The following B3GALNT1 variants were observed in gnomAD, a reference collection of about 807,000 sequenced individuals.
B3GALNT1 encodes the protein UDP-GalNAc:beta-1,3-N-acetylgalactosaminyltransferase 1.
Under a neutral mutation model 27.3 loss-of-function variants are expected in B3GALNT1, and 17 were observed. The observed-to-expected ratio is 0.62, with a 90% CI of 0.43 to 0.94. The LOEUF is 0.94. B3GALNT1 is among the 40% of genes least tolerant of loss of function. B3GALNT1 has a pLI of 0.00. For missense variants in B3GALNT1, 347 were observed against 390.0 expected, an observed-to-expected ratio of 0.89 and a Z score of 0.93; for synonymous variants, 141 against 144.0, an observed-to-expected ratio of 0.98 and a Z score of 0.15.
At chr3:161,097,291 C>G (rs1250204035) in intron 4 of B3GALNT1, among the ~76,000 whole-genome samples, 1 of 152,156 alleles carries the variant, frequency 6.6e-6, no homozygotes, top group Non-Finnish European at 1.5e-5. Flanking sequence ...GGCTGGCACA[C>G]AGTAAGGGCT....
chr3:161,100,366 T>C lies in B3GALNT1; in HGVS notation c.-35+773A>G, dbSNP rs1032767883. ...GGTAGACAGTGAGTATAAATACCTA[T>C]ACTCATTACCATTTCCCAATTCTGC... On this transcript the variant is annotated intron_variant, in intron 4 of 4. Transcript: ENST00000320474. Among the ~76,000 whole-genome samples the C allele has an allele frequency of 4.6e-5, 7 of 152,332 alleles. No homozygotes were observed. In the East Asian group the frequency reaches 1.2e-3, roughly 25 times the overall value.
At position 161,086,035 on chromosome 3, in the gene B3GALNT1, C is replaced by T; in HGVS notation, c.720G>A (p.Gly240=). The T allele has an allele frequency of 6.3e-7, 1 of 1,589,880 alleles. No homozygotes were observed. Among genetic ancestry groups the T allele is most frequent in the Non-Finnish European group, 8.5e-7 (1 of 1,170,244 alleles). The change falls in exon 5 of 5, where the codon GGG becomes GGA. Residue 240 remains glycine (G), a synonymous_variant. Transcript: ENST00000320474. ...PFKVFPPYCS[G]LGYIMSRDLV... The stretch of plus-strand genomic sequence containing the variant: ...AATCTCTGGACATTATATAACCCAA[C>T]CCACTGCAGTATGGAGGGAACACCT...
In B3GALNT1 at chr3:161,086,787, T is replaced by C. The variant is rs572564117; in HGVS notation, c.-33A>G. On this transcript the variant is annotated splice_region_variant and 5_prime_UTR_variant, in exon 5 of 5. Coordinates refer to ENST00000320474, the MANE Select transcript of B3GALNT1 (RefSeq NM_003781.4). ...AGCTCAGAAGCACGCGAGCCGAAGG[T>C]TCTGGAAGAGTTATCAAAGATTGGG... 6.2e-7 allele frequency: 1 copy of C among 1,612,050 alleles called. No homozygotes were observed. The highest frequency in any genetic ancestry group is 1.7e-5 in the Admixed American group (1 of 59,678).
intron 3 of B3GALNT1, among the ~76,000 whole-genome samples, chr3:161,102,262 G>A (rs1476675623): frequency 6.6e-6 from 1 of 152,152 alleles, no homozygotes; most frequent in East Asian, 1.9e-4. Context: ...CTACCTACCT[G>A]TGTTCAGAGT....
intron 4 of B3GALNT1, 78 bp downstream of exon 4, chr3:161,101,061 G>C: frequency 2.6e-6 from 3 of 1,155,770 alleles, no homozygotes; most frequent in Admixed American, 4.6e-5. Flanking sequence ...CCCCAGGAGA[G>C]ACCAACCTCA....
rs778206279 is a variant in B3GALNT1, at chr3:161,085,914, T to C, written c.841A>G (p.Ile281Val). The C allele has an allele frequency of 4.3e-6, 7 of 1,611,854 alleles. No individual in the cohort carries two copies. The East Asian group carries it at 1.3e-4, about 31-fold the overall frequency. The change falls in exon 5 of 5, where the codon ATT becomes GTT. Residue 281 changes from isoleucine (I) to valine (V), a missense_variant. Physicochemically the swap from Ile to Val is conservative, Grantham distance 29. Coordinates refer to ENST00000320474, the MANE Select transcript of B3GALNT1 (RefSeq NM_003781.4). Reference protein sequence around the residue: ...GICLNLLKVNIHIPEDTNLFF... With the variant: ...GICLNLLKVNVHIPEDTNLFF... ...AGATTTGTGTCTTCTGGAATATGAATGTTCACTTTTAATAAATTCAAACAG... is the reference window on the plus strand; with the variant it reads ...AGATTTGTGTCTTCTGGAATATGAACGTTCACTTTTAATAAATTCAAACAG...
At chr3:161,089,639 T>C (rs1723916674) in intron 4 of B3GALNT1, among the ~76,000 whole-genome samples, 2 of 152,080 alleles carry the variant, frequency 1.3e-5, no homozygotes, top group South Asian at 4.1e-4. Flanking sequence ...ATCTGTCTAT[T>C]CAATATAAGG....
chr3:161,101,226 T>C lies in B3GALNT1; in HGVS notation c.-122A>G. ...AACAGGTCAACCGGGTCCAGGGAGC[T>C]AAGAAAACTGGAGCAGAGCAAAGAT... is the stretch of plus-strand genomic sequence containing the variant. On this transcript the variant is annotated 5_prime_UTR_variant, in exon 4 of 5. Coordinates refer to ENST00000320474, the MANE Select transcript of B3GALNT1 (RefSeq NM_003781.4). The C allele has an allele frequency of 2.3e-6, 3 of 1,289,700 alleles. No individual in the cohort carries two copies. The highest frequency in any genetic ancestry group is 3.0e-6 in the Non-Finnish European group (3 of 988,826). The allele number at this position is 1,289,700 out of a possible 1,614,324, so 79.9% of individuals were successfully genotyped here. A position where few individuals can be genotyped will look rare whatever the true frequency, so the allele number is the denominator to read the frequency against.
intron 4 of B3GALNT1, among the ~76,000 whole-genome samples, chr3:161,097,417 T>C (rs1343731629): frequency 6.6e-6 from 1 of 152,196 alleles, no homozygotes; most frequent in Non-Finnish European, 1.5e-5. Flanking sequence ...GTGTCTTACA[T>C]GGCATGACAT....
chr3:161,085,013 T>C lies in B3GALNT1; in HGVS notation c.*746A>G, dbSNP rs1171923683. On this transcript the variant is annotated 3_prime_UTR_variant, in exon 5 of 5. Transcript: ENST00000320474. Reference sequence around the variant, plus strand: ...ATTTTCTTGCTTTAATTCTTCTCTATATTACCACAGTAAAATATTTAACAA... The same window carrying C: ...ATTTTCTTGCTTTAATTCTTCTCTACATTACCACAGTAAAATATTTAACAA... The C allele has an allele frequency of 1.3e-5, 2 of 152,326 alleles. No individual in the cohort carries two copies. The highest frequency in any genetic ancestry group is 1.9e-4 in the East Asian group (1 of 5,194). The allele number at this position is 152,326 out of a possible 1,614,324, so 9.4% of individuals were successfully genotyped here.
At chr3:161,092,890 G>A (rs1362647995) in intron 4 of B3GALNT1, among the ~76,000 whole-genome samples, 1 of 150,178 alleles carries the variant, frequency 6.7e-6, no homozygotes, top group Admixed American at 6.7e-5. Context: ...CGCCTGAGTA[G>A]CTGGGACTAC....
At position 161,086,073 on chromosome 3, in the gene B3GALNT1, C is replaced by G. The variant is rs758834724; in HGVS notation, c.682G>C (p.Glu228Gln). The stretch of plus-strand genomic sequence containing the variant: ...GGAGGGAACACCTTGAAAGGATACT[C>G]CTGGTAAGAAATATGGGTTTTTTGG... ...FYQKTHISYQ[E>Q]YPFKVFPPYC... The change falls in exon 5 of 5, where the codon GAG becomes CAG. Residue 228 changes from glutamate (E) to glutamine (Q), a missense_variant. By Grantham distance (29) the Glu-to-Gln change is conservative. Transcript: ENST00000320474. 2 of 1,596,558 alleles carry G rather than the reference C, an allele frequency of 1.3e-6. No homozygotes were observed. The highest frequency in any genetic ancestry group is 3.5e-5 in the Admixed American group (2 of 57,680).
In B3GALNT1 at chr3:161,086,738, C is replaced by T; in HGVS notation, c.17G>A (p.Trp6Ter). The change falls in exon 5 of 5, where the codon TGG becomes TAG. Residue 6 changes from tryptophan (W) to a stop codon, truncating the protein, a stop_gained. Coordinates refer to ENST00000320474, the MANE Select transcript of B3GALNT1 (RefSeq NM_003781.4). LOFTEE classifies it high-confidence loss of function. ...TGACATCCTACTCGGAAGGACAGTC[C>T]AGAGAGCCGAGGCCATCCACAGCAG... The part of the protein sequence containing the change: MASAL[W>*]TVLPSRMSLR... 1.9e-6 allele frequency: 3 copies of T among 1,613,948 alleles called. No homozygotes were observed. Among genetic ancestry groups the T allele is most frequent in the Non-Finnish European group, 2.5e-6 (3 of 1,179,980 alleles).
At chr3:161,090,618 T>C (rs1374981432) in intron 4 of B3GALNT1, among the ~76,000 whole-genome samples, 8 of 152,056 alleles carry the variant, frequency 5.3e-5, no homozygotes. Context: ...TAAAAATTTG[T>C]TTAGAAGCCC....
chr3:161,089,064 A>T (rs1723549486), intron 4 of B3GALNT1, among the ~76,000 whole-genome samples: 1 of 152,166 alleles, frequency 6.6e-6, no homozygotes, highest in South Asian at 2.1e-4. Flanking sequence ...CACCTACAAC[A>T]CAGGTGGCTC....
At chr3:161,096,868 C>T (rs528921305) in intron 4 of B3GALNT1, among the ~76,000 whole-genome samples, 7 of 152,220 alleles carry the variant, frequency 4.6e-5, no homozygotes, top group African/African-American at 1.4e-4. Context: ...GGAAGCCAAG[C>T]GGGATCCCAG....
rs559467157 is a variant in B3GALNT1 at position 161,084,881 on chromosome 3, C to T, written c.*878G>A. 10 of 152,292 alleles carry T rather than the reference C, an allele frequency of 6.6e-5. No homozygotes were observed. Among genetic ancestry groups the T allele is most frequent in the Non-Finnish European group, 1.3e-4 (9 of 68,022 alleles). The allele number at this position is 152,292 out of a possible 1,614,324, so 9.4% of individuals were successfully genotyped here. On this transcript the variant is annotated 3_prime_UTR_variant, in exon 5 of 5. Transcript: ENST00000320474. ...GTCCTTTCCAAAAGGAAATTACTGC[C>T]TTGCATTCTACATTATTCCTAATTT...
At chr3:161,088,243 C>T (rs1723083053) in intron 4 of B3GALNT1, among the ~76,000 whole-genome samples, 1 of 152,182 alleles carries the variant, frequency 6.6e-6, no homozygotes, top group Admixed American at 6.5e-5. Flanking sequence ...TTACGTCTCA[C>T]CACAATTATC....
At chr3:161,089,696 G>A (rs763895014) in intron 4 of B3GALNT1, among the ~76,000 whole-genome samples, 3 of 151,996 alleles carry the variant, frequency 2.0e-5, no homozygotes, top group Non-Finnish European at 2.9e-5. Context: ...AACACAAAAT[G>A]CAAAAGATGA....
Sources: allele counts gnomAD v4.1 joint callset (sites outside exome capture counted in the v4.1 genomes callset), GRCh38; gene constraint gnomAD v4.1.1; transcripts MANE v1.5; gene names NCBI Gene and HGNC (gene_info 2026-07-23, HGNC 2026-07-21).